Variants in RPGR observed in about 807,000 individuals in gnomAD.
RPGR encodes the protein retinitis pigmentosa GTPase regulator.
RPGR carries 10 observed loss-of-function variants against 56.3 expected under a neutral mutation model. The ratio of observed to expected loss-of-function variants is 0.18; its 90% confidence interval spans 0.11 to 0.30. The LOEUF is 0.30. Ranked by LOEUF, RPGR falls within the 10% of genes least tolerant of loss-of-function variation. The pLI is 1.00. For synonymous variants in RPGR, 197 were observed against 212.9 expected, an observed-to-expected ratio of 0.93 and a Z score of 0.65; for missense variants, 538 against 590.9, an observed-to-expected ratio of 0.91 and a Z score of 0.93.
At chrX:38,285,486 T>C in intron 15 of RPGR, 1 of 1,210,313 alleles carries the variant, frequency 8.3e-7, no homozygotes, top group Non-Finnish European at 1.1e-6. Context: ...GCCCGTTATA[T>C]GCAAGGCATT....
At chrX:38,313,116 T>A (rs1253411396) in intron 6 of RPGR, among the ~76,000 whole-genome samples, 1 of 112,049 alleles carries the variant, frequency 8.9e-6, no homozygotes, top group Non-Finnish European at 1.9e-5. Context: ...TGTTTTTGTC[T>A]CTGCCTGGAT....
Position 38,276,618 on chromosome X carries a change from T to C in RPGR, c.2060A>G (p.Asn687Ser), listed in dbSNP as rs752212461. ...AATAGTTTCAGCTGAGCTATCATCA[T>C]TGGTTCTTTCTGCTCCTTCTGTTTT... Residue 687 changes from asparagine to serine, a missense_variant, in exon 16 of 19, where the codon AAT becomes AGT. Asn to Ser is a conservative substitution (Grantham distance 46). Around this residue, in one of 2 missense-constraint regions of RPGR, gnomAD observed 357 missense variants for 325.8 expected, o/e 1.10. Transcript: ENST00000642395. 4.1e-6 allele frequency: 5 copies of C among 1,211,427 alleles called. No homozygotes were observed. Among genetic ancestry groups the C allele is most frequent in the Middle Eastern group, 2.3e-4 (1 of 4,354 alleles).
intron 18 of RPGR, among the ~76,000 whole-genome samples, chrX:38,271,973 T>A (rs765124077): frequency 2.7e-5 from 3 of 112,056 alleles, no homozygotes; most frequent in Non-Finnish European, 5.6e-5. Flanking sequence ...AGAACAAAAA[T>A]ACAACTTCAC....
chrX:38,291,131 A>T (rs1301585358), intron 12 of RPGR, 107 bp from the exon 13 acceptor site: 16 of 137,142 alleles, frequency 1.2e-4, no homozygotes, highest in East Asian at 7.9e-4. Context: ...ATATTTTTTT[A>T]TATATATATA....
At chrX:38,319,098 T>A in intron 4 of RPGR, 111 bp from the exon 5 acceptor site, 1 of 779,452 alleles carries the variant, frequency 1.3e-6, no homozygotes, top group Non-Finnish European at 1.9e-6. Context: ...TTGAAAGCTA[T>A]CACTATCCTA....
chrX:38,325,168 C>T (rs761021188), intron 1 of RPGR, among the ~76,000 whole-genome samples: 34 of 93,521 alleles, frequency 3.6e-4, no homozygotes, highest in African/African-American at 1.3e-3. Context: ...ACTGTGACTC[C>T]GTCTCAAAAA....
rs956343184 is a variant in RPGR at position 38,307,574 on chromosome X, C to T, written c.779-2784G>A. Among the ~76,000 whole-genome samples, 3 of 112,108 alleles carry T rather than the reference C, an allele frequency of 2.7e-5. No individual in the cohort carries two copies. In the South Asian group the frequency reaches 1.1e-3, roughly 41 times the overall value. On this transcript the variant is annotated intron_variant, in intron 7 of 18. Transcript: ENST00000642395. ...AAATTGGAACAGGTGATTAGCTATT[C>T]TTTCCTTAAGGTCTTACAAAATATT...
At chrX:38,315,159 G>C (rs1384891916) in intron 6 of RPGR, among the ~76,000 whole-genome samples, 1 of 111,207 alleles carries the variant, frequency 9.0e-6, no homozygotes, top group East Asian at 2.8e-4. Flanking sequence ...GTGAAACCCT[G>C]TCGCTATTAA....
chrX:38,270,623 C>CCAA (rs1555959184), intron 18 of RPGR, among the ~76,000 whole-genome samples: 1 of 42,323 alleles, frequency 2.4e-5, no homozygotes, highest in Admixed American at 2.9e-4. Context: ...ACTCTGTCCC[C>CCAA]AAAAAAAAAA....
chrX:38,304,447 T>C (rs961291126), intron 8 of RPGR, among the ~76,000 whole-genome samples, 188 bp downstream of exon 8: 1 of 112,131 alleles, frequency 8.9e-6, no homozygotes, highest in African/African-American at 3.2e-5. Context: ...CATTTACATT[T>C]ATTCTAAATT....
In RPGR at chrX:38,287,892, C is replaced by T. The variant is rs372171763; in HGVS notation, c.1722G>A (p.Thr574=). The T allele has an allele frequency of 1.2e-5, 14 of 1,209,353 alleles. No homozygotes were observed. Among genetic ancestry groups the T allele is most frequent in the Middle Eastern group, 2.3e-4 (1 of 4,372 alleles). Reference sequence around the variant, plus strand: ...CCTCATCTGAAAATGCTTCGATAGTCGTAGCTGGCTGCGTCATGAAAATCC... The same window carrying T: ...CCTCATCTGAAAATGCTTCGATAGTTGTAGCTGGCTGCGTCATGAAAATCC... The change falls in exon 14 of 19, where the codon ACG becomes ACA. Residue 574 remains threonine, a synonymous_variant. Transcript: ENST00000642395.
chrX:38,292,913 C>T (rs1360007103), intron 11 of RPGR, among the ~76,000 whole-genome samples: 3 of 111,454 alleles, frequency 2.7e-5, no homozygotes, highest in African/African-American at 9.8e-5. Context: ...AGCAGCAGAA[C>T]AGTAGTCTCA....
Position 38,279,392 on chromosome X carries a change from GCA to G in RPGR, c.1906-2622_1906-2621del, listed in dbSNP as rs1159679648. On this transcript the variant is annotated intron_variant, in intron 15 of 18. Transcript: ENST00000642395. ...CCCTTTGTTTCATTGGTCAGGCATGGCACAGTCAGGTGCAGACTCTGGTCTGG... is the reference window on the plus strand; with the variant it reads ...CCCTTTGTTTCATTGGTCAGGCATGGCAGTCAGGTGCAGACTCTGGTCTGG... Among the ~76,000 whole-genome samples the G allele has an allele frequency of 6.3e-5, 7 of 111,816 alleles. No individual in the cohort carries two copies. In the Admixed American group the frequency reaches 6.7e-4, roughly 11 times the overall value.
chrX:38,297,652 C>G (rs758315444), intron 10 of RPGR, among the ~76,000 whole-genome samples, 200 bp from the exon 11 acceptor site: 24 of 111,467 alleles, frequency 2.2e-4, no homozygotes, highest in Non-Finnish European at 3.9e-4. Context: ...CTCTAAATTT[C>G]AATTTGGAAG....
At chrX:38,281,972 T>C (rs964041459) in intron 15 of RPGR, among the ~76,000 whole-genome samples, 5 of 111,700 alleles carry the variant, frequency 4.5e-5, no homozygotes, top group African/African-American at 1.6e-4. Flanking sequence ...GTTCATAAGC[T>C]CACATCAATA....
intron 17 of RPGR, among the ~76,000 whole-genome samples, chrX:38,274,825 T>A (rs1021167319): frequency 2.7e-5 from 3 of 111,169 alleles, no homozygotes; most frequent in African/African-American, 6.5e-5. Flanking sequence ...CAAAAAAAAA[T>A]AAAAAATTCC....
At chrX:38,279,810 A>G (rs2066998349) in intron 15 of RPGR, among the ~76,000 whole-genome samples, 2 of 112,043 alleles carry the variant, frequency 1.8e-5, no homozygotes, top group African/African-American at 6.5e-5. Context: ...ACATGCTTCA[A>G]TGTCATGTAG....
Position 38,322,956 on chromosome X carries a change from G to A in RPGR, c.155-11C>T. ...AAAGTTTATTATTTCCTGGTAGGAG[G>A]GAAAAAGAAATAATCAATTGAAGCA... On this transcript the variant is annotated splice_polypyrimidine_tract_variant and intron_variant, in intron 2 of 18. Coordinates refer to ENST00000642395, the MANE Select transcript of RPGR (RefSeq NM_000328.3). The A allele has an allele frequency of 1.7e-6, 2 of 1,154,531 alleles. No individual in the cohort carries two copies. The highest frequency in any genetic ancestry group is 2.4e-6 in the Non-Finnish European group (2 of 843,627).
intron 7 of RPGR, among the ~76,000 whole-genome samples, chrX:38,305,371 C>T (rs1271283203): frequency 3.6e-5 from 4 of 110,935 alleles, no homozygotes. Context: ...GCCAAGATTG[C>T]ACCACTGCAC....
Sources: allele counts gnomAD v4.1 joint callset (sites outside exome capture counted in the v4.1 genomes callset), GRCh38; gene constraint gnomAD v4.1.1; regional missense constraint gnomAD v4.1.1; transcripts MANE v1.5; gene names NCBI Gene and HGNC (gene_info 2026-07-23, HGNC 2026-07-21).